PTPRN2: variants seen among roughly 807,000 people sequenced by gnomAD.
PTPRN2 encodes protein tyrosine phosphatase receptor type N2.
PTPRN2 carries 74 observed loss-of-function variants against 118.8 expected under a neutral mutation model. The observed-to-expected ratio is 0.62, with a 90% CI of 0.52 to 0.76. The LOEUF is 0.76. Among genes scored for constraint, PTPRN2 ranks in the 30% least tolerant of loss-of-function variants. PTPRN2 has a pLI of 0.00. For synonymous variants in PTPRN2, 641 were observed against 608.0 expected, an observed-to-expected ratio of 1.05 and a Z score of -0.80; for missense variants, 1,481 against 1,394.4, an observed-to-expected ratio of 1.06 and a Z score of -0.99.
chr7:157,965,260 T>C (rs915470622), intron 11 of PTPRN2, among the ~76,000 whole-genome samples: 1 of 152,184 alleles, frequency 6.6e-6, no homozygotes, highest in Admixed American at 6.5e-5. Flanking sequence ...TTTTTCACAG[T>C]GTAACCCCTC....
At chr7:158,300,580 C>CGCAGCGCCTCGCCCGCCACCCAGTCCT (rs1563104703) in intron 3 of PTPRN2, among the ~76,000 whole-genome samples, 9 of 148,512 alleles carry the variant, frequency 6.1e-5, no homozygotes, top group African/African-American at 9.7e-5. Context: ...CACCCAGTCC[C>CGCAGCGCCTCGCCCGCCACCCAGTCCT]GCAGCGCCTC....
intron 1 of PTPRN2, among the ~76,000 whole-genome samples, chr7:158,552,864 G>C (rs1376818809): frequency 6.6e-6 from 1 of 152,148 alleles, no homozygotes; most frequent in Non-Finnish European, 1.5e-5. Flanking sequence ...AGAAACCCTA[G>C]AGAGTGGACA....
intron 12 of PTPRN2, among the ~76,000 whole-genome samples, chr7:157,798,134 C>T (rs925657094): frequency 6.6e-6 from 1 of 152,208 alleles, no homozygotes; most frequent in African/African-American, 2.4e-5. Flanking sequence ...TGGCGCACGC[C>T]TGTAATCCAA....
At chr7:158,040,397 T>C (rs774658655) in intron 11 of PTPRN2, among the ~76,000 whole-genome samples, 225 of 136,468 alleles carry the variant, frequency 1.6e-3, no homozygotes, top group Non-Finnish European at 2.7e-3. Context: ...GTGCACACAC[T>C]TCACACACAC....
At chr7:158,194,612 G>A (rs551460824) in intron 4 of PTPRN2, among the ~76,000 whole-genome samples, 13 of 152,354 alleles carry the variant, frequency 8.5e-5, no homozygotes, top group African/African-American at 3.1e-4. Flanking sequence ...AGGCTTTACA[G>A]GTGCGGTCAG....
chr7:158,445,300 G>C (rs900292155), intron 2 of PTPRN2, among the ~76,000 whole-genome samples: 5 of 152,126 alleles, frequency 3.3e-5, no homozygotes. Context: ...AGAGCCAAGC[G>C]CCCCCACCTG....
intron 12 of PTPRN2, among the ~76,000 whole-genome samples, chr7:157,802,802 T>C (rs1805398031): frequency 6.6e-6 from 1 of 152,228 alleles, no homozygotes; most frequent in African/African-American, 2.4e-5. Flanking sequence ...GATTTGCATG[T>C]TCCTGATCAT....
intron 12 of PTPRN2, among the ~76,000 whole-genome samples, chr7:157,840,807 C>A (rs1808364615): frequency 6.6e-6 from 1 of 152,242 alleles, no homozygotes; most frequent in African/African-American, 2.4e-5. Context: ...TCTCAGGCCA[C>A]AGGACCCCTG....
chr7:158,504,444 C>A (rs1785316771), intron 1 of PTPRN2, among the ~76,000 whole-genome samples: 1 of 152,166 alleles, frequency 6.6e-6, no homozygotes, highest in African/African-American at 2.4e-5. Context: ...TGAGAACATG[C>A]AGTGTTTGGT....
intron 12 of PTPRN2, among the ~76,000 whole-genome samples, chr7:157,852,746 G>A (rs1208105141): frequency 4.0e-5 from 6 of 151,118 alleles, no homozygotes; most frequent in Non-Finnish European, 5.9e-5. Flanking sequence ...GTGGGCGCCT[G>A]TAATCCCAGC....
chr7:158,058,989 A>C (rs369920759), intron 11 of PTPRN2, among the ~76,000 whole-genome samples: 6 of 67,266 alleles, frequency 8.9e-5, no homozygotes, highest in South Asian at 7.6e-4. Flanking sequence ...ATCTGCCCAC[A>C]GTGAGACATC....
rs551546049 is a variant in PTPRN2 at position 158,155,309 on chromosome 7, C to T, written c.910+11622G>A. Among the ~76,000 whole-genome samples, 18 of 152,330 alleles carry T rather than the reference C, an allele frequency of 1.2e-4. No homozygotes were observed. In the South Asian group the frequency reaches 3.1e-3, roughly 26 times the overall value. On this transcript the variant is annotated intron_variant, in intron 6 of 22. Coordinates refer to ENST00000389418, the MANE Select transcript of PTPRN2 (RefSeq NM_002847.5). ...CAGCCTGCAGATAACCTCGCCACAA[C>T]ATTGTTTTCACAAAGACAATGGGAA...
intron 2 of PTPRN2, among the ~76,000 whole-genome samples, chr7:158,402,229 C>T (rs1812999782): frequency 6.6e-6 from 1 of 152,204 alleles, no homozygotes; most frequent in Non-Finnish European, 1.5e-5. Context: ...CAGCCAGACA[C>T]AGGACCAGGG....
intron 2 of PTPRN2, among the ~76,000 whole-genome samples, chr7:158,434,392 C>T (rs759896859): frequency 7.9e-5 from 12 of 152,166 alleles, no homozygotes; most frequent in Non-Finnish European, 1.8e-4. Context: ...CTGTGTGTTC[C>T]TGATAGACCA....
At chr7:157,899,492 T>TA (rs1349176054) in intron 11 of PTPRN2, among the ~76,000 whole-genome samples, 1 of 152,206 alleles carries the variant, frequency 6.6e-6, no homozygotes, top group African/African-American at 2.4e-5. Context: ...TGCGTTTGCA[T>TA]AAAGCCCTTG....
chr7:158,129,183 G>A (rs933312621), intron 9 of PTPRN2, among the ~76,000 whole-genome samples: 10 of 114,288 alleles, frequency 8.7e-5, no homozygotes, highest in Non-Finnish European at 1.1e-4. Context: ...CACATACCAC[G>A]CCACACACTA....
chr7:158,471,918 A>G (rs1819885906), intron 2 of PTPRN2, among the ~76,000 whole-genome samples: 1 of 152,196 alleles, frequency 6.6e-6, no homozygotes. Context: ...CAGGGCAAAG[A>G]GAAGACATGG....
At chr7:158,070,275 A>ATGG (rs748211151) in intron 11 of PTPRN2, among the ~76,000 whole-genome samples, 4 of 139,830 alleles carry the variant, frequency 2.9e-5, no homozygotes, top group African/African-American at 6.3e-5. Context: ...GGAGGTGCTC[A>ATGG]TGGTGGAGGT....
Position 158,209,842 on chromosome 7 carries a change from C to G in PTPRN2, c.278-4569G>C, listed in dbSNP as rs1585858014. ...ATTCAAAAACAAACTGAAATTATAT[C>G]AAGTATCTTCTCTGACCACAATGGA... On this transcript the variant is annotated intron_variant, in intron 3 of 22. Coordinates refer to ENST00000389418, the MANE Select transcript of PTPRN2 (RefSeq NM_002847.5). Among the ~76,000 whole-genome samples the G allele has an allele frequency of 4.6e-5, 7 of 152,228 alleles. 2 individuals carry two copies. The highest frequency in any genetic ancestry group is 4.6e-4 in the Admixed American group (7 of 15,286).
Sources: allele counts gnomAD v4.1 joint callset (sites outside exome capture counted in the v4.1 genomes callset), GRCh38; gene constraint gnomAD v4.1.1; transcripts MANE v1.5; gene names NCBI Gene and HGNC (gene_info 2026-07-23, HGNC 2026-07-21).